Variants in PRICKLE1 observed in about 807,000 individuals in gnomAD.
The protein encoded by PRICKLE1 is prickle-like protein 1.
A neutral mutation model predicts 70.2 loss-of-function variants in PRICKLE1; 14 were observed. The ratio of observed to expected loss-of-function variants is 0.20; its 90% confidence interval spans 0.13 to 0.31. The LOEUF is 0.31. Ranked by LOEUF, PRICKLE1 falls within the 10% of genes least tolerant of loss-of-function variation. The pLI is 1.00. For missense variants in PRICKLE1, 821 were observed against 1,026.2 expected (o/e 0.80, Z 2.73); for synonymous variants, 357 against 379.9 (o/e 0.94, Z 0.70).
Position 42,466,429 on chromosome 12 carries a change from C to CGG in PRICKLE1, c.589-50_589-49insCC, listed in dbSNP as rs140314770. 2,487 of 1,570,466 alleles carry CGG rather than the reference C, an allele frequency of 1.6e-3. 5 individuals carry two copies. The highest frequency in any genetic ancestry group is 2.1e-3 in the Non-Finnish European group (2,364 of 1,141,982). On this transcript the variant is annotated intron_variant, in intron 5 of 7. Coordinates refer to ENST00000345127, the MANE Select transcript of PRICKLE1 (RefSeq NM_153026.3). ...GAGAATGAAAGAAAATCATTAGGAA[C>CGG]TATTTTAAAGGCCAAGTAACTGCAT... is the stretch of plus-strand genomic sequence containing the variant.
chr12:42,559,261 C>T (rs1471269727), intron 1 of PRICKLE1, among the ~76,000 whole-genome samples: 1 of 152,164 alleles, frequency 6.6e-6, no homozygotes, highest in Non-Finnish European at 1.5e-5. Flanking sequence ...ACCTTAAATT[C>T]AGAAGAGCTA....
chr12:42,580,349 A>T (rs908346669), intron 1 of PRICKLE1, among the ~76,000 whole-genome samples: 1 of 152,204 alleles, frequency 6.6e-6, no homozygotes, highest in African/African-American at 2.4e-5. Context: ...TATGCTCAAC[A>T]TCTTTTTCTG....
chr12:42,581,018 G>A (rs1271489484), intron 1 of PRICKLE1, among the ~76,000 whole-genome samples: 1 of 152,088 alleles, frequency 6.6e-6, no homozygotes, highest in Non-Finnish European at 1.5e-5. Context: ...AGTAGGATTA[G>A]AAACAAATTT....
At chr12:42,531,510 A>G (rs1939918078) in intron 1 of PRICKLE1, among the ~76,000 whole-genome samples, 1 of 152,212 alleles carries the variant, frequency 6.6e-6, no homozygotes, top group South Asian at 2.1e-4. Flanking sequence ...TAATTCAGAA[A>G]GGCTTAAAAA....
chr12:42,468,309 T>C (rs1430715955), intron 5 of PRICKLE1, among the ~76,000 whole-genome samples: 1 of 152,218 alleles, frequency 6.6e-6, no homozygotes, highest in Non-Finnish European at 1.5e-5. Flanking sequence ...ATCTACTACA[T>C]GCTCTTCTGC....
chr12:42,540,675 G>A (rs1230268976), intron 1 of PRICKLE1, among the ~76,000 whole-genome samples: 10 of 152,136 alleles, frequency 6.6e-5, no homozygotes, highest in Admixed American at 5.9e-4. Context: ...CGATTCTCCT[G>A]CCTCAGCCTC....
chr12:42,586,392 T>TC, intron 1 of PRICKLE1, among the ~76,000 whole-genome samples: 1 of 146,784 alleles, frequency 6.8e-6, no homozygotes, highest in East Asian at 2.0e-4. Flanking sequence ...AAAATTACCT[T>TC]TTTTTTTTTT....
At chr12:42,477,402 T>C (rs1049490448) in intron 1 of PRICKLE1, among the ~76,000 whole-genome samples, 1 of 148,478 alleles carries the variant, frequency 6.7e-6, no homozygotes, top group African/African-American at 2.5e-5. Flanking sequence ...TATATATATA[T>C]ACACATATTA....
intron 1 of PRICKLE1, among the ~76,000 whole-genome samples, chr12:42,586,214 T>C (rs1940985069): frequency 6.6e-6 from 1 of 152,196 alleles, no homozygotes. Flanking sequence ...ATACATAGAT[T>C]TAGGCAATCT....
intron 1 of PRICKLE1, among the ~76,000 whole-genome samples, chr12:42,488,573 T>C (rs1324263739): frequency 6.6e-6 from 1 of 152,218 alleles, no homozygotes; most frequent in Non-Finnish European, 1.5e-5. Flanking sequence ...CACCTGTCCA[T>C]CTGTGGTTTG....
chr12:42,495,400 A>G (rs80063573), intron 1 of PRICKLE1, among the ~76,000 whole-genome samples: 1,803 of 136,234 alleles, frequency 0.013, 18 homozygotes, highest in East Asian at 0.051. Flanking sequence ...AAAAAAAAAA[A>G]AGAGAGAGAG....
intron 1 of PRICKLE1, among the ~76,000 whole-genome samples, chr12:42,475,369 G>A (rs968630913): frequency 1.3e-5 from 2 of 152,130 alleles, no homozygotes; most frequent in African/African-American, 2.4e-5. Flanking sequence ...AGCAACCCAC[G>A]GTAAGTGGTG....
intron 1 of PRICKLE1, among the ~76,000 whole-genome samples, chr12:42,549,018 T>C (rs146444463): frequency 1.9e-4 from 28 of 149,942 alleles, no homozygotes; most frequent in Admixed American, 4.0e-4. Context: ...ATTTGGGAGG[T>C]TGAGGCAGGA....
intron 1 of PRICKLE1, among the ~76,000 whole-genome samples, chr12:42,526,202 T>C (rs1324730400): frequency 6.6e-6 from 1 of 152,198 alleles, no homozygotes; most frequent in Non-Finnish European, 1.5e-5. Flanking sequence ...TGGGTATTTC[T>C]TGGCACTTTT....
intron 1 of PRICKLE1, among the ~76,000 whole-genome samples, chr12:42,493,856 T>TA (rs201413394): frequency 0.014 from 1,117 of 80,480 alleles, 13 homozygotes; most frequent in Admixed American, 0.064. Context: ...AGACCGTGTC[T>TA]AAAAAAAAAA....
chr12:42,473,912 G>C (rs1938420159), intron 1 of PRICKLE1, among the ~76,000 whole-genome samples: 1 of 152,084 alleles, frequency 6.6e-6, no homozygotes, highest in African/African-American at 2.4e-5. Flanking sequence ...CTGAGACTAA[G>C]TCATTTTTCA....
intron 1 of PRICKLE1, among the ~76,000 whole-genome samples, chr12:42,493,876 G>T (rs1162663490): frequency 6.7e-6 from 1 of 148,446 alleles, no homozygotes; most frequent in Admixed American, 6.7e-5. Flanking sequence ...AAAAAGAAAA[G>T]AAAAGAAAAA....
intron 5 of PRICKLE1, among the ~76,000 whole-genome samples, 198 bp from the exon 6 acceptor site, chr12:42,466,578 G>GCTGAGAAAACAAA (rs1566082739): frequency 6.6e-6 from 1 of 152,086 alleles, no homozygotes; most frequent in Non-Finnish European, 1.5e-5. Flanking sequence ...AATTGACAGT[G>GCTGAGAAAACAAA]CTGAGAAAAC....
Position 42,459,401 on chromosome 12 carries a change from AC to A in PRICKLE1, c.*407del. 1.4e-6 allele frequency: 1 copy of A among 701,926 alleles called. No homozygotes were observed. The allele number at this position is 701,926 out of a possible 1,614,324, so 43.5% of individuals were successfully genotyped here. On this transcript the variant is annotated 3_prime_UTR_variant, in exon 8 of 8. Coordinates refer to ENST00000345127, the MANE Select transcript of PRICKLE1 (RefSeq NM_153026.3). ...ACAGGCATGCCTCACACCAAGACGG[AC>A]TATCAAGACCTGAGCCGACCTGACT...
Sources: allele counts gnomAD v4.1 joint callset (sites outside exome capture counted in the v4.1 genomes callset), GRCh38; gene constraint gnomAD v4.1.1; transcripts MANE v1.5; gene names NCBI Gene and HGNC (gene_info 2026-07-23, HGNC 2026-07-21).